Variants in LIMCH1 observed in about 807,000 individuals in gnomAD.
LIMCH1 encodes LIM and calponin homology domains-containing protein 1.
LIMCH1 carries 113 observed loss-of-function variants against 176.5 expected under a neutral mutation model. The observed-to-expected ratio is 0.64, with a 90% CI of 0.55 to 0.75. LIMCH1 has a LOEUF of 0.75. Among genes scored for constraint, LIMCH1 ranks in the 30% least tolerant of loss-of-function variants. The probability of loss-of-function intolerance (pLI) is 0.00; values close to 1 mark genes in which losing one functional copy is unlikely to be tolerated. For missense variants in LIMCH1, 1,674 were observed against 1,814.9 expected (o/e 0.92, Z 1.41); for synonymous variants, 619 against 645.9 (o/e 0.96, Z 0.63).
chr4:41,580,348 A>G (rs1309338861), intron 1 of LIMCH1, among the ~76,000 whole-genome samples: 3 of 152,210 alleles, frequency 2.0e-5, no homozygotes, highest in Admixed American at 6.5e-5. Flanking sequence ...TCATGATGCA[A>G]TGGGTATAGA....
chr4:41,491,825 G>A (rs1235358234), intron 1 of LIMCH1, among the ~76,000 whole-genome samples: 3 of 146,038 alleles, frequency 2.1e-5, no homozygotes, highest in African/African-American at 7.7e-5. Context: ...AGGCAGAAGC[G>A]CTCCTCACTT....
At chr4:41,633,877 CATT>C in intron 13 of LIMCH1, 69 bp downstream of exon 13, 1 of 1,459,040 alleles carries the variant, frequency 6.9e-7, no homozygotes, top group East Asian at 2.5e-5. Context: ...GTTCTTAATG[CATT>C]ATGGCACCTC....
intron 5 of LIMCH1, among the ~76,000 whole-genome samples, chr4:41,614,446 C>A (rs73810286): frequency 6.6e-6 from 1 of 152,080 alleles, no homozygotes; most frequent in African/African-American, 2.4e-5. Flanking sequence ...TATAAACTTG[C>A]GGAAAAACAT....
intron 3 of LIMCH1, among the ~76,000 whole-genome samples, chr4:41,525,779 T>G (rs1156596103): frequency 6.6e-6 from 1 of 152,056 alleles, no homozygotes; most frequent in Non-Finnish European, 1.5e-5. Context: ...TTTTAAAACA[T>G]TTAGTAAATT....
chr4:41,615,895 A>G (rs2092004150), intron 5 of LIMCH1, among the ~76,000 whole-genome samples: 1 of 152,206 alleles, frequency 6.6e-6, no homozygotes, highest in African/African-American at 2.4e-5. Context: ...ATCAAGGGCC[A>G]TACTCATGAG....
intron 1 of LIMCH1, 107 bp from the exon 2 acceptor site, chr4:41,598,813 G>T: frequency 1.6e-6 from 1 of 613,936 alleles, no homozygotes; most frequent in South Asian, 2.3e-5. Flanking sequence ...ATTTAGACCT[G>T]ACCATAGCTG....
chr4:41,436,165 GA>G (rs1456959983), intron 1 of LIMCH1, among the ~76,000 whole-genome samples: 3 of 152,188 alleles, frequency 2.0e-5, no homozygotes, highest in African/African-American at 7.2e-5. Flanking sequence ...AGGAGGCCAG[GA>G]ATTCTTGTTC....
At chr4:41,614,166 A>T (rs966238692) in intron 5 of LIMCH1, among the ~76,000 whole-genome samples, 1 of 152,214 alleles carries the variant, frequency 6.6e-6, no homozygotes, top group Non-Finnish European at 1.5e-5. Context: ...GATGCTTGTG[A>T]TACCTGACTG....
At chr4:41,545,039 T>A (rs2079176352) in intron 1 of LIMCH1, among the ~76,000 whole-genome samples, 1 of 152,238 alleles carries the variant, frequency 6.6e-6, no homozygotes, top group Admixed American at 6.5e-5. Context: ...GGGACTTCAG[T>A]GTCATAGGAC....
At chr4:41,369,712 C>T (rs571355519) in intron 1 of LIMCH1, among the ~76,000 whole-genome samples, 1 of 150,410 alleles carries the variant, frequency 6.6e-6, no homozygotes, top group Non-Finnish European at 1.5e-5. Context: ...GGATTTGCCT[C>T]CTTTGGTGAA....
intron 1 of LIMCH1, among the ~76,000 whole-genome samples, chr4:41,482,090 A>G (rs2068748326): frequency 6.6e-6 from 1 of 152,040 alleles, no homozygotes; most frequent in African/African-American, 2.4e-5. Flanking sequence ...GCCTAAAGCA[A>G]TCTGCCTGCC....
In LIMCH1 at chr4:41,631,270, G is replaced by C. The variant is rs1009977043; in HGVS notation, c.1394G>C (p.Arg465Thr). ...GCCTCTAAGAAAGCTTCCAGCCCCA[G>C]GCAAAAGTTTGTGCACTTTGGGCCA... is the stretch of plus-strand genomic sequence containing the variant. ...ARASKKASSPRQKFVHFGPVT... is the reference protein window; with the variant it reads ...ARASKKASSPTQKFVHFGPVT... Residue 465 changes from arginine (R) to threonine (T), a missense_variant, in exon 10 of 32, where the codon AGG becomes ACG. By Grantham distance (71) the Arg-to-Thr change is moderately conservative (BLOSUM62 -1). This residue lies in a region of LIMCH1 where 655 missense variants were observed against 692.2 expected (regional missense o/e 0.95). Coordinates refer to ENST00000503057, the MANE Select transcript of LIMCH1 (RefSeq NM_001330672.2). 2.6e-6 allele frequency: 4 copies of C among 1,535,934 alleles called. No individual in the cohort carries two copies. The African/African-American group carries it at 5.5e-5, about 21-fold the overall frequency.
At chr4:41,430,859 C>T (rs959836513) in intron 1 of LIMCH1, among the ~76,000 whole-genome samples, 2 of 151,980 alleles carry the variant, frequency 1.3e-5, no homozygotes, top group Admixed American at 6.6e-5. Context: ...AGACAGAATT[C>T]CATTGAAAGC....
chr4:41,410,629 G>C (rs1056650958), intron 1 of LIMCH1, among the ~76,000 whole-genome samples: 5 of 152,110 alleles, frequency 3.3e-5, no homozygotes, highest in Non-Finnish European at 7.4e-5. Flanking sequence ...CTCCCTGCAA[G>C]ACAGCACCCC....
intron 1 of LIMCH1, among the ~76,000 whole-genome samples, chr4:41,556,310 G>C (rs910794451): frequency 7.4e-5 from 11 of 148,698 alleles, no homozygotes; most frequent in Admixed American, 3.4e-4. Context: ...TAGGAGAATT[G>C]CTTGAACCTG....
intron 1 of LIMCH1, among the ~76,000 whole-genome samples, chr4:41,555,666 T>G (rs1435920722): frequency 1.3e-5 from 2 of 151,882 alleles, no homozygotes; most frequent in South Asian, 4.2e-4. Flanking sequence ...CAAACAAGAA[T>G]TTTTTTTTCT....
At chr4:41,675,010 G>A (rs2095168778) in intron 22 of LIMCH1, among the ~76,000 whole-genome samples, 1 of 152,130 alleles carries the variant, frequency 6.6e-6, no homozygotes, top group Non-Finnish European at 1.5e-5. Flanking sequence ...TGGCAAGCAG[G>A]AAGCAATAAG....
chr4:41,697,566 A>G lies in LIMCH1; in HGVS notation c.*381A>G, dbSNP rs1229373889. 1 of 195,716 alleles carries G rather than the reference A, an allele frequency of 5.1e-6. No individual in the cohort carries two copies. The highest frequency in any genetic ancestry group is 1.2e-4 in the East Asian group (1 of 8,320). The allele number at this position is 195,716 out of a possible 1,614,324, so 12.1% of individuals were successfully genotyped here. A position where few individuals can be genotyped will look rare whatever the true frequency, so the allele number is the denominator to read the frequency against. On this transcript the variant is annotated 3_prime_UTR_variant, in exon 32 of 32. Coordinates refer to ENST00000503057, the MANE Select transcript of LIMCH1 (RefSeq NM_001330672.2). Reference sequence around the variant, plus strand: ...AGAATGTCTAGGAATTAAACACTTTATGTTTACAGAATTGAGCTGCAGAAA... The same window carrying G: ...AGAATGTCTAGGAATTAAACACTTTGTGTTTACAGAATTGAGCTGCAGAAA...
chr4:41,518,294 T>C (rs1443878635), intron 2 of LIMCH1, among the ~76,000 whole-genome samples: 4 of 152,246 alleles, frequency 2.6e-5, no homozygotes, highest in African/African-American at 9.6e-5. Flanking sequence ...TTCTTAGTGC[T>C]GTGCTCCTTG....
Sources: gnomAD v4.1 joint callset for allele counts (sites outside exome capture counted in the v4.1 genomes callset) on GRCh38, gnomAD v4.1.1 for gene constraint, gnomAD v4.1.1 regional missense constraint, MANE v1.5 for transcripts, NCBI Gene and HGNC (gene_info 2026-07-23, HGNC 2026-07-21) for gene names.